Variants in SLC15A3 observed in about 807,000 individuals in gnomAD.
SLC15A3 encodes osteoclast transporter.
A neutral mutation model predicts 49.2 loss-of-function variants in SLC15A3; 39 were observed. That is an observed-to-expected ratio of 0.79 (90% confidence interval 0.61 to 1.04). The LOEUF (loss-of-function observed/expected upper bound fraction) is 1.04, where lower values mean the gene tolerates loss of function less well. SLC15A3 is among the 50% of genes least tolerant of loss of function. SLC15A3 has a pLI of 0.00. For missense variants in SLC15A3, 758 were observed against 794.8 expected, an observed-to-expected ratio of 0.95 and a Z score of 0.56; for synonymous variants, 339 against 367.0, an observed-to-expected ratio of 0.92 and a Z score of 0.87.
chr11:60,941,845 C>T (rs1369652092), intron 4 of SLC15A3, 190 bp downstream of exon 4: 4 of 594,238 alleles, frequency 6.7e-6, no homozygotes, highest in Non-Finnish European at 6.0e-6. Flanking sequence ...TTCCTTCAAG[C>T]AGTTGAGCAT....
intron 2 of SLC15A3, among the ~76,000 whole-genome samples, chr11:60,944,719 A>G (rs1856776876): frequency 6.6e-6 from 1 of 152,134 alleles, no homozygotes; most frequent in Non-Finnish European, 1.5e-5. Flanking sequence ...TCTCAAGTCC[A>G]TCCTCCTCAA....
At chr11:60,940,968 G>T in intron 5 of SLC15A3, 154 bp downstream of exon 5, 2 of 704,296 alleles carry the variant, frequency 2.8e-6, no homozygotes, top group East Asian at 3.1e-5. Context: ...AGATAGGAGG[G>T]TCTCTTTCAG....
intron 2 of SLC15A3, among the ~76,000 whole-genome samples, chr11:60,944,571 CT>C (rs1856773739): frequency 6.6e-6 from 1 of 152,146 alleles, no homozygotes; most frequent in African/African-American, 2.4e-5. Context: ...AGACCAGAGA[CT>C]GTGGAAAACA....
chr11:60,945,444 A>G (rs943169333), intron 2 of SLC15A3, among the ~76,000 whole-genome samples: 1 of 152,182 alleles, frequency 6.6e-6, no homozygotes, highest in Admixed American at 6.5e-5. Context: ...GAGGAGATAA[A>G]AAGGTCATTT....
At chr11:60,937,488 G>T in intron 7 of SLC15A3, 115 bp from the exon 8 acceptor site, 2 of 1,355,132 alleles carry the variant, frequency 1.5e-6, no homozygotes, top group Non-Finnish European at 2.1e-6. Flanking sequence ...GCAGTGGTGG[G>T]ATCTGAAGAC....
At position 60,951,057 on chromosome 11, in the gene SLC15A3, CA is replaced by C. The variant is rs765747079; in HGVS notation, c.494del (p.Leu165ArgfsTer23). 315 of 1,494,302 alleles carry C rather than the reference CA, an allele frequency of 2.1e-4. No homozygotes were observed. Among genetic ancestry groups the C allele is most frequent in the South Asian group, 5.9e-4 (47 of 79,176 alleles). 92.6% of individuals were successfully genotyped at this position (1,494,302 alleles called of 1,614,324 possible). A position where few individuals can be genotyped will look rare whatever the true frequency, so the allele number is the denominator to read the frequency against. ...PYCAPVLYAG[L>X]LLLGLAASSV... Reference sequence around the variant, plus strand: ...AGCTGGCGGCCAGGCCGAGTAGCAGCAGGCCCGCGTAGAGGACGGGCGCGCA... The same window carrying C: ...AGCTGGCGGCCAGGCCGAGTAGCAGCGGCCCGCGTAGAGGACGGGCGCGCA... On this transcript the variant is annotated frameshift_variant, in exon 1 of 8. Coordinates refer to ENST00000227880, the MANE Select transcript of SLC15A3 (RefSeq NM_016582.3). LOFTEE classifies it high-confidence loss of function.
chr11:60,941,176 G>A lies in SLC15A3; in HGVS notation c.1222C>T (p.Leu408=). 6.2e-7 allele frequency: 1 copy of A among 1,614,158 alleles called. No individual in the cohort carries two copies. The highest frequency in any genetic ancestry group is 8.5e-7 in the Non-Finnish European group (1 of 1,180,008). ...AACATCCCCAGCGCCATCTTCTGCA[G>A]AGCAGAGGGAAGCAGCTTGCACCGC... The part of the protein sequence containing the change: ...LLRCKLLPSA[L]QKMALGMFFG... Residue 408 remains leucine (L), a synonymous_variant, in exon 5 of 8, where the codon CTG becomes TTG. Coordinates refer to ENST00000227880, the MANE Select transcript of SLC15A3 (RefSeq NM_016582.3).
At position 60,951,283 on chromosome 11, in the gene SLC15A3, C is replaced by A. The variant is rs200982819; in HGVS notation, c.269G>T (p.Gly90Val). Reference sequence around the variant, plus strand: ...CAGGTACACGTCGGCCAGCCAGCCGCCCACGGGCGCCAGCAGGTAGGAGGC... The same window carrying A: ...CAGGTACACGTCGGCCAGCCAGCCGACCACGGGCGCCAGCAGGTAGGAGGC... ...LGASYLLAPVGGWLADVYLGR... is the reference protein window; with the variant it reads ...LGASYLLAPVVGWLADVYLGR... The change falls in exon 1 of 8, where the codon GGC becomes GTC. Residue 90 changes from glycine (G) to valine (V), a missense_variant. Physicochemically the swap from Gly to Val is moderately radical, Grantham distance 109. This residue lies in a region of SLC15A3 where 699 missense variants were observed against 706.7 expected (regional missense o/e 0.99). Transcript: ENST00000227880. 820 of 1,517,902 alleles carry A rather than the reference C, an allele frequency of 5.4e-4. 12 individuals are homozygous for A. In the East Asian group the frequency reaches 0.02, roughly 36 times the overall value. The allele number at this position is 1,517,902 out of a possible 1,614,324, so 94.0% of individuals were successfully genotyped here.
chr11:60,938,946 T>C (rs1856667725), intron 6 of SLC15A3, among the ~76,000 whole-genome samples: 2 of 151,938 alleles, frequency 1.3e-5, no homozygotes, highest in Admixed American at 6.5e-5. Flanking sequence ...CTTGCTTTTT[T>C]GCTGACTGAA....
At chr11:60,946,496 G>C (rs550600386) in intron 2 of SLC15A3, 36 bp downstream of exon 2, 1 of 1,521,056 alleles carries the variant, frequency 6.6e-7, no homozygotes, top group Non-Finnish European at 8.8e-7. Flanking sequence ...GCTTCTCCAG[G>C]CTTGGAGGCT....
In SLC15A3 at chr11:60,942,008, G is replaced by A. The variant is rs375389694; in HGVS notation, c.1107+27C>T. ...GGAAGCCGCTACCTGGCTGAACTGG[G>A]TGCCGAACACATGCTTTATCTCTCA... On this transcript the variant is annotated intron_variant, in intron 4 of 7. Transcript: ENST00000227880. 22 of 1,601,588 alleles carry A rather than the reference G, an allele frequency of 1.4e-5. No individual in the cohort carries two copies. The African/African-American group carries it at 2.8e-4, about 20-fold the overall frequency.
At position 60,946,578 on chromosome 11, in the gene SLC15A3, C is replaced by T. The variant is rs755912468; in HGVS notation, c.802G>A (p.Ala268Thr). The change falls in exon 2 of 8, where the codon GCT (alanine) becomes ACT (threonine). Residue 268 changes from alanine to threonine, a missense_variant. Physicochemically the swap from Ala to Thr is moderately conservative, Grantham distance 58 (BLOSUM62 0). Around this residue, in one of 3 missense-constraint regions of SLC15A3, gnomAD observed 699 missense variants for 706.7 expected, o/e 0.99. Transcript: ENST00000227880. ...GSQVSSMLKLALQNCCPQLWQ... is the reference protein window; with the variant it reads ...GSQVSSMLKLTLQNCCPQLWQ... Reference sequence around the variant, plus strand: ...AGCTGGGGGCAGCAGTTTTGGAGAGCGAGCTTAAGCATAGAGGACACTTGG... The same window carrying T: ...AGCTGGGGGCAGCAGTTTTGGAGAGTGAGCTTAAGCATAGAGGACACTTGG... 3.8e-6 allele frequency: 6 copies of T among 1,597,698 alleles called. No individual in the cohort carries two copies. The African/African-American group carries it at 4.0e-5, about 11-fold the overall frequency.
In SLC15A3 at chr11:60,939,464, A is replaced by G. The variant is rs770443653; in HGVS notation, c.1435+16T>C. Reference sequence around the variant, plus strand: ...CCCATCACTGGTGCAGGAGCAGGGGAGGGGATCCAGGGTACCTGGGATGCT... The same window carrying G: ...CCCATCACTGGTGCAGGAGCAGGGGGGGGGATCCAGGGTACCTGGGATGCT... On this transcript the variant is annotated intron_variant, in intron 6 of 7. Transcript: ENST00000227880. The G allele has an allele frequency of 7.4e-6, 12 of 1,612,860 alleles. No individual in the cohort carries two copies. The highest frequency in any genetic ancestry group is 1.0e-5 in the Non-Finnish European group (12 of 1,179,344).
Position 60,947,249 on chromosome 11 carries a change from G to A in SLC15A3, c.559-428C>T, listed in dbSNP as rs555576315. ...GGCTGGAGTGCAGTGGCACAATCTC[G>A]GCTCACTGCAAGCTCCACCTTCCGG... On this transcript the variant is annotated intron_variant, in intron 1 of 7. Transcript: ENST00000227880. 3.5e-4 allele frequency among the ~76,000 whole-genome samples: 53 copies of A among 151,812 alleles called. No homozygotes were observed. In the Middle Eastern group the frequency reaches 0.01, roughly 29 times the overall value.
At chr11:60,949,487 A>AG (rs1856862263) in intron 1 of SLC15A3, among the ~76,000 whole-genome samples, 1 of 144,170 alleles carries the variant, frequency 6.9e-6, no homozygotes, top group African/African-American at 2.6e-5. Flanking sequence ...AAAGAAAGGA[A>AG]GAAAGAAAGA....
Position 60,937,089 on chromosome 11 carries a change from A to C in SLC15A3, c.*130T>G. ...CCCCTTGTCATGGACCATGGTCGTG[A>C]GGAAGGGCTCATGCCCCTTATTTAT... On this transcript the variant is annotated 3_prime_UTR_variant, in exon 8 of 8. Transcript: ENST00000227880. 4 of 1,405,972 alleles carry C rather than the reference A, an allele frequency of 2.8e-6. No homozygotes were observed. The highest frequency in any genetic ancestry group is 3.8e-6 in the Non-Finnish European group (4 of 1,054,510). The allele number at this position is 1,405,972 out of a possible 1,614,324, so 87.1% of individuals were successfully genotyped here.
intron 3 of SLC15A3, 78 bp from the exon 4 acceptor site, chr11:60,942,223 G>A (rs1317374749): frequency 4.1e-6 from 5 of 1,217,944 alleles, no homozygotes; most frequent in East Asian, 4.7e-5. Flanking sequence ...ATTCCTCAGC[G>A]CCGTACCACA....
Position 60,937,106 on chromosome 11 carries a change from C to T in SLC15A3, c.*113G>A. ...TGGTCGTGAGGAAGGGCTCATGCCC[C>T]TTATTTATGGGAACCATTTCATTCT... is the stretch of plus-strand genomic sequence containing the variant. On this transcript the variant is annotated 3_prime_UTR_variant, in exon 8 of 8. Transcript: ENST00000227880. 1 of 1,472,892 alleles carries T rather than the reference C, an allele frequency of 6.8e-7. No homozygotes were observed. Among genetic ancestry groups the T allele is most frequent in the Non-Finnish European group, 9.1e-7 (1 of 1,103,584 alleles). 91.2% of individuals were successfully genotyped at this position (1,472,892 alleles called of 1,614,324 possible).
intron 3 of SLC15A3, 60 bp downstream of exon 3, chr11:60,943,629 G>C: frequency 1.4e-6 from 2 of 1,430,966 alleles, no homozygotes; most frequent in South Asian, 3.1e-5. Context: ...TGAGAAATGA[G>C]GCCATTCAGA....
Sources: gnomAD v4.1 joint callset for allele counts (sites outside exome capture counted in the v4.1 genomes callset) on GRCh38, gnomAD v4.1.1 for gene constraint, gnomAD v4.1.1 regional missense constraint, MANE v1.5 for transcripts, NCBI Gene and HGNC (gene_info 2026-07-23, HGNC 2026-07-21) for gene names.